Variants in SLC25A48 observed in about 807,000 individuals in gnomAD.
SLC25A48 encodes solute carrier family 25 member 48.
In SLC25A48, 29 loss-of-function variants were observed where a neutral mutation model predicts 32.2. The observed-to-expected ratio is 0.90, with a 90% CI of 0.67 to 1.23. The LOEUF is 1.23. Among genes scored for constraint, SLC25A48 ranks in the 50% most tolerant of loss-of-function variants. The pLI is 0.00. For missense variants in SLC25A48, 399 were observed against 422.7 expected (o/e 0.94, Z 0.49); for synonymous variants, 164 against 172.3 (o/e 0.95, Z 0.38).
In SLC25A48 at chr5:135,629,034, C is replaced by T. The variant is rs1025371983; in HGVS notation, c.-848-203C>T. Among the ~76,000 whole-genome samples, 1 of 152,080 alleles carries T rather than the reference C, an allele frequency of 6.6e-6. No individual in the cohort carries two copies. Among genetic ancestry groups the T allele is most frequent in the African/African-American group, 2.4e-5 (1 of 41,406 alleles). ...TAATTTCCAGAATTAGGCTACAGTC[C>T]CTTTTCATAAATTCCCCAGCAGTTA... is the stretch of plus-strand genomic sequence containing the variant. On this transcript the variant is annotated intron_variant, in intron 1 of 10. Transcript: ENST00000646290. This position sits in a 1 kb window ranked among gnomAD's most constrained non-coding sequence, Gnocchi z 4.8.
chr5:135,628,925 C>T (rs1160072485), intron 1 of SLC25A48, among the ~76,000 whole-genome samples: 1 of 152,194 alleles, frequency 6.6e-6, no homozygotes, highest in East Asian at 1.9e-4. Context: ...CCTGAGGCCA[C>T]CCCATGTCCA....
At chr5:135,857,060 T>A (rs898432954) in intron 4 of SLC25A48, among the ~76,000 whole-genome samples, 1 of 152,202 alleles carries the variant, frequency 6.6e-6, no homozygotes, top group African/African-American at 2.4e-5. Context: ...TGCGAATATC[T>A]GTTTGCAAGT....
Position 135,799,798 on chromosome 5 carries a change from A to G in SLC25A48, c.-520-12725A>G, listed in dbSNP as rs1757277020. Among the ~76,000 whole-genome samples the G allele has an allele frequency of 2.0e-5, 3 of 151,794 alleles. No homozygotes were observed. The South Asian group carries it at 6.2e-4, about 31-fold the overall frequency. On this transcript the variant is annotated intron_variant, in intron 3 of 10. Transcript: ENST00000646290. ...CACTTTAATATTGTTCCTAATATTC[A>G]GTAGTGGAGAGGATGGCATTACTTA...
At chr5:135,605,299 C>T (rs1437238050) in intron 1 of SLC25A48, among the ~76,000 whole-genome samples, 1 of 152,238 alleles carries the variant, frequency 6.6e-6, no homozygotes, top group Non-Finnish European at 1.5e-5. Flanking sequence ...GAGATTGGTT[C>T]TAAATGATGA....
intron 3 of SLC25A48, among the ~76,000 whole-genome samples, chr5:135,788,131 C>T (rs1379766686): frequency 6.6e-6 from 1 of 151,620 alleles, no homozygotes; most frequent in East Asian, 1.9e-4. Context: ...GAGGGGTGTA[C>T]ATTCCCCTGG....
At chr5:135,664,311 A>G (rs999922403) in intron 3 of SLC25A48, among the ~76,000 whole-genome samples, 14 of 152,172 alleles carry the variant, frequency 9.2e-5, no homozygotes, top group African/African-American at 2.2e-4. Flanking sequence ...GCAAGTTCCC[A>G]TATCTCTTGG....
At chr5:135,597,089 G>A (rs1462839364) in intron 1 of SLC25A48, among the ~76,000 whole-genome samples, 1 of 152,248 alleles carries the variant, frequency 6.6e-6, no homozygotes, top group Non-Finnish European at 1.5e-5. Context: ...ACCCCAGACA[G>A]AGAGTCAGTG....
chr5:135,734,358 G>A (rs565306486), intron 3 of SLC25A48, among the ~76,000 whole-genome samples: 184 of 152,222 alleles, frequency 1.2e-3, no homozygotes, highest in African/African-American at 4.4e-3. Context: ...GAACTGGGCA[G>A]GTGGGGATAA....
intron 3 of SLC25A48, among the ~76,000 whole-genome samples, chr5:135,721,757 C>T (rs1051214932): frequency 6.6e-6 from 1 of 152,188 alleles, no homozygotes; most frequent in African/African-American, 2.4e-5. Context: ...AGGAAGAGGG[C>T]AGCAGAGAAC....
intron 3 of SLC25A48, among the ~76,000 whole-genome samples, chr5:135,775,292 T>C (rs1195041425): frequency 6.6e-6 from 1 of 151,742 alleles, no homozygotes; most frequent in Non-Finnish European, 1.5e-5. Context: ...TGATATTCTT[T>C]CTAACATACA....
chr5:135,762,795 A>G (rs1756094935), intron 3 of SLC25A48, among the ~76,000 whole-genome samples: 1 of 150,310 alleles, frequency 6.7e-6, no homozygotes, highest in Non-Finnish European at 1.5e-5. Flanking sequence ...GTGTGAGAGC[A>G]TAGTGTGAAT....
chr5:135,849,782 G>A (rs1234044807), intron 2 of SLC25A48, among the ~76,000 whole-genome samples: 2 of 152,210 alleles, frequency 1.3e-5, no homozygotes, highest in Non-Finnish European at 1.5e-5. Context: ...AAGAATTGCT[G>A]CTCTAGGGTC....
intron 3 of SLC25A48, among the ~76,000 whole-genome samples, chr5:135,696,679 ACT>A (rs1420075338): frequency 1.3e-5 from 2 of 152,064 alleles, no homozygotes; most frequent in Non-Finnish European, 2.9e-5. Context: ...CAACTGGGAA[ACT>A]CTGCCACATT....
chr5:135,616,870 G>A (rs1752202508), intron 1 of SLC25A48, among the ~76,000 whole-genome samples: 1 of 152,126 alleles, frequency 6.6e-6, no homozygotes, highest in Non-Finnish European at 1.5e-5. Flanking sequence ...CTAGTATTTT[G>A]TTAAGAAGTT....
At chr5:135,672,439 G>A (rs1753678726) in intron 3 of SLC25A48, among the ~76,000 whole-genome samples, 1 of 152,192 alleles carries the variant, frequency 6.6e-6, no homozygotes, top group Admixed American at 6.5e-5. Flanking sequence ...TCACCAGACA[G>A]GTTAAATGGC....
At chr5:135,654,487 C>T (rs1753196254) in intron 3 of SLC25A48, among the ~76,000 whole-genome samples, 1 of 152,150 alleles carries the variant, frequency 6.6e-6, no homozygotes, top group African/African-American at 2.4e-5. Flanking sequence ...AAGAATTCCA[C>T]AGAAAGCTGT....
intron 3 of SLC25A48, among the ~76,000 whole-genome samples, chr5:135,704,062 CA>C (rs1754453902): frequency 6.6e-6 from 1 of 152,204 alleles, no homozygotes; most frequent in Non-Finnish European, 1.5e-5. Context: ...TTCTGGCTGT[CA>C]CATTCCATTT....
intron 3 of SLC25A48, among the ~76,000 whole-genome samples, chr5:135,793,661 A>C (rs892072380): frequency 6.6e-6 from 1 of 151,570 alleles, no homozygotes; most frequent in African/African-American, 2.4e-5. Flanking sequence ...GTGCATTTCC[A>C]TCTTGTTTGT....
chr5:135,712,736 C>T (rs1021598108), intron 3 of SLC25A48, among the ~76,000 whole-genome samples: 7 of 152,328 alleles, frequency 4.6e-5, no homozygotes, highest in Non-Finnish European at 7.3e-5. Context: ...GTGCTCAGAC[C>T]GCATCTGCCC....
Sources: gnomAD v4.1 joint callset for allele counts (sites outside exome capture counted in the v4.1 genomes callset) on GRCh38, gnomAD v4.1.1 for gene constraint, Gnocchi (gnomAD v3.1) non-coding constraint, MANE v1.5 for transcripts, NCBI Gene and HGNC (gene_info 2026-07-23, HGNC 2026-07-21) for gene names.